The following ASTN2 variants were observed in gnomAD, a reference collection of about 807,000 sequenced individuals.
The protein encoded by ASTN2 is astrotactin-2.
A neutral mutation model predicts 139.8 loss-of-function variants in ASTN2; 54 were observed. That is an observed-to-expected ratio of 0.39 (90% confidence interval 0.31 to 0.48). ASTN2 has a LOEUF of 0.48. Among genes scored for constraint, ASTN2 ranks in the 20% least tolerant of loss-of-function variants. The pLI is 0.95. For synonymous variants in ASTN2, 756 were observed against 719.5 expected, an observed-to-expected ratio of 1.05 and a Z score of -0.81; for missense variants, 1,565 against 1,725.1, an observed-to-expected ratio of 0.91 and a Z score of 1.64.
At chr9:116,654,510 G>A (rs572474398) in intron 16 of ASTN2, among the ~76,000 whole-genome samples, 10 of 152,120 alleles carry the variant, frequency 6.6e-5, no homozygotes, top group South Asian at 2.1e-4. Context: ...GTGAATCTCC[G>A]GGGAGAAAAA....
intron 4 of ASTN2, among the ~76,000 whole-genome samples, chr9:117,102,256 TAAGTG>T (rs1190649444): frequency 6.6e-6 from 1 of 152,192 alleles, no homozygotes; most frequent in African/African-American, 2.4e-5. Context: ...AATATTTTGC[TAAGTG>T]AAAGAAGCCA....
At chr9:117,326,942 A>G (rs1351162799) in intron 1 of ASTN2, among the ~76,000 whole-genome samples, 1 of 152,156 alleles carries the variant, frequency 6.6e-6, no homozygotes, top group Non-Finnish European at 1.5e-5. Flanking sequence ...GACGTAGAGC[A>G]ATGGTCCCCA....
At chr9:116,920,612 T>C (rs1270662798) in intron 10 of ASTN2, among the ~76,000 whole-genome samples, 1 of 152,238 alleles carries the variant, frequency 6.6e-6, no homozygotes, top group Non-Finnish European at 1.5e-5. Flanking sequence ...ATGCATCATT[T>C]AACCCTCAGT....
chr9:116,513,272 C>A (rs935292190), intron 19 of ASTN2, among the ~76,000 whole-genome samples: 1 of 152,112 alleles, frequency 6.6e-6, no homozygotes, highest in African/African-American at 2.4e-5. Context: ...CTTAGTTTCG[C>A]TGGATATGAA....
chr9:117,146,100 A>C (rs1428057152), intron 3 of ASTN2, among the ~76,000 whole-genome samples: 1 of 151,870 alleles, frequency 6.6e-6, no homozygotes, highest in Non-Finnish European at 1.5e-5. Flanking sequence ...TCCATGGCCA[A>C]TTTCATCCTG....
chr9:116,726,019 G>A (rs1828612507), intron 15 of ASTN2, 69 bp from the exon 16 acceptor site: 2 of 1,481,598 alleles, frequency 1.3e-6, no homozygotes, highest in Middle Eastern at 2.3e-4. Flanking sequence ...TTATACGGTG[G>A]CAGGAGTTCT....
chr9:116,617,991 A>G (rs1052084096), intron 19 of ASTN2, among the ~76,000 whole-genome samples: 6 of 152,154 alleles, frequency 3.9e-5, no homozygotes, highest in Non-Finnish European at 7.3e-5. Flanking sequence ...GAGATAATAT[A>G]TTTACAGATC....
chr9:117,271,704 G>A (rs1369288086), intron 2 of ASTN2, among the ~76,000 whole-genome samples: 1 of 152,172 alleles, frequency 6.6e-6, no homozygotes, highest in Non-Finnish European at 1.5e-5. Flanking sequence ...AGAAGTTACA[G>A]GGCCTATGCA....
chr9:117,065,762 C>T (rs1191886785), intron 5 of ASTN2, among the ~76,000 whole-genome samples: 1 of 152,146 alleles, frequency 6.6e-6, no homozygotes, highest in Non-Finnish European at 1.5e-5. Context: ...ATCTATCAAC[C>T]TTTCCTTTCC....
intron 4 of ASTN2, among the ~76,000 whole-genome samples, chr9:117,136,386 T>C (rs1829951501): frequency 6.6e-6 from 1 of 152,210 alleles, no homozygotes; most frequent in South Asian, 2.1e-4. Context: ...GCATATACTA[T>C]GAAATAAAAT....
intron 13 of ASTN2, among the ~76,000 whole-genome samples, chr9:116,737,610 C>CGTGTGTGTGTGTGTGTGTGT (rs57891581): frequency 7.3e-6 from 1 of 137,250 alleles, no homozygotes; most frequent in Non-Finnish European, 1.6e-5. Context: ...CATGTGCCAA[C>CGTGTGTGTGTGTGTGTGTGT]GTGTGTGTGT....
At chr9:116,957,993 G>C (rs1213909432) in intron 10 of ASTN2, among the ~76,000 whole-genome samples, 1 of 152,086 alleles carries the variant, frequency 6.6e-6, no homozygotes, top group Admixed American at 6.6e-5. Flanking sequence ...TTCAGATTAT[G>C]TATTTTTGAC....
intron 5 of ASTN2, among the ~76,000 whole-genome samples, chr9:117,052,433 T>TAA (rs375714439): frequency 1.6e-5 from 2 of 125,230 alleles, no homozygotes; most frequent in African/African-American, 6.1e-5. Flanking sequence ...AGACTCCATC[T>TAA]TAAAAAAAAA....
chr9:116,738,008 C>T (rs372866192), intron 13 of ASTN2, among the ~76,000 whole-genome samples: 82 of 151,064 alleles, frequency 5.4e-4, no homozygotes, highest in Middle Eastern at 3.5e-3. Flanking sequence ...CTGGCTAACA[C>T]GGTGAAACCC....
chr9:117,157,111 C>G (rs1211387677), intron 3 of ASTN2, among the ~76,000 whole-genome samples: 1 of 151,984 alleles, frequency 6.6e-6, no homozygotes, highest in Admixed American at 6.6e-5. Flanking sequence ...AGCTGTGCAG[C>G]AAATTGGCAA....
chr9:117,128,371 C>CAAAAAAA (rs1167187783), intron 4 of ASTN2, among the ~76,000 whole-genome samples: 5 of 66,444 alleles, frequency 7.5e-5, no homozygotes, highest in African/African-American at 2.9e-4. Context: ...GACACTGTCT[C>CAAAAAAA]AAAAAAAAAA....
At chr9:117,154,811 C>A (rs1337329229) in intron 3 of ASTN2, among the ~76,000 whole-genome samples, 1 of 151,938 alleles carries the variant, frequency 6.6e-6, no homozygotes, top group Non-Finnish European at 1.5e-5. Context: ...TCTCAGTTGT[C>A]CTTTGTTTAC....
chr9:117,296,898 A>C (rs990975190), intron 1 of ASTN2, among the ~76,000 whole-genome samples: 1 of 152,174 alleles, frequency 6.6e-6, no homozygotes, highest in African/African-American at 2.4e-5. Context: ...ACAGAAGCTG[A>C]GAGAGAGGAT....
chr9:117,288,793 A>T (rs1834512593), intron 2 of ASTN2, among the ~76,000 whole-genome samples: 2 of 152,198 alleles, frequency 1.3e-5, no homozygotes, highest in African/African-American at 2.4e-5. Context: ...GAGGGATCTT[A>T]GACAAGTCCT....
Sources: allele counts gnomAD v4.1 joint callset (sites outside exome capture counted in the v4.1 genomes callset), GRCh38; gene constraint gnomAD v4.1.1; transcripts MANE v1.5; gene names NCBI Gene and HGNC (gene_info 2026-07-23, HGNC 2026-07-21).